ASMT: variants seen among roughly 807,000 people sequenced by gnomAD.
ASMT encodes acetylserotonin N-methyltransferase.
In ASMT, 53 loss-of-function variants were observed where a neutral mutation model predicts 41.3. That is an observed-to-expected ratio of 1.28 (90% confidence interval 1.03 to 1.61). The LOEUF is 1.61. ASMT is among the 40% of genes most tolerant of loss of function. ASMT has a pLI of 0.00. For missense variants in ASMT, 531 were observed against 441.3 expected, an observed-to-expected ratio of 1.20 and a Z score of -1.82; for synonymous variants, 231 against 184.8, an observed-to-expected ratio of 1.25 and a Z score of -2.03.
chrX:1,616,057 C>T (rs1418304906), intron 1 of ASMT, among the ~76,000 whole-genome samples: 3 of 151,708 alleles, frequency 2.0e-5, no homozygotes, highest in Non-Finnish European at 4.4e-5. Context: ...GAGCTGGAGT[C>T]TCACTCTGTA....
intron 3 of ASMT, among the ~76,000 whole-genome samples, chrX:1,625,841 C>A (rs1934524487): frequency 6.6e-6 from 1 of 150,882 alleles, no homozygotes; most frequent in Non-Finnish European, 1.5e-5. Context: ...GTAGTCCCAG[C>A]TACTCGGAGA....
chrX:1,631,124 C>T (rs1360633281), intron 5 of ASMT, among the ~76,000 whole-genome samples: 3 of 151,488 alleles, frequency 2.0e-5, no homozygotes, highest in African/African-American at 7.3e-5. Context: ...CCGTGTTAGC[C>T]AGGATGGTCT....
At chrX:1,619,172 G>A (rs1347308685) in intron 1 of ASMT, among the ~76,000 whole-genome samples, 1 of 152,058 alleles carries the variant, frequency 6.6e-6, no homozygotes, top group East Asian at 1.9e-4. Flanking sequence ...GAGGCGGGCG[G>A]ATCACAAGGT....
intron 6 of ASMT, among the ~76,000 whole-genome samples, 154 bp downstream of exon 6, chrX:1,632,941 C>A (rs1351935654): frequency 4.6e-5 from 7 of 152,078 alleles, no homozygotes; most frequent in Non-Finnish European, 1.0e-4. Flanking sequence ...AGCAAACCAC[C>A]ATGGCACATG....
chrX:1,634,552 C>T (rs1308940702), intron 7 of ASMT, among the ~76,000 whole-genome samples: 3 of 152,100 alleles, frequency 2.0e-5, no homozygotes, highest in African/African-American at 7.2e-5. Context: ...ACAAAGATAC[C>T]CTTGTGAGGT....
chrX:1,630,192 G>A (rs1333974063), intron 5 of ASMT, among the ~76,000 whole-genome samples: 1 of 151,924 alleles, frequency 6.6e-6, no homozygotes, highest in Non-Finnish European at 1.5e-5. Flanking sequence ...GCAGTGCAGT[G>A]GCATGATCTC....
intron 5 of ASMT, among the ~76,000 whole-genome samples, chrX:1,631,058 C>T (rs1173101137): frequency 7.4e-5 from 11 of 147,720 alleles, no homozygotes; most frequent in Non-Finnish European, 1.6e-4. Flanking sequence ...CTACAGGCGC[C>T]CGCCACCACG....
At position 1,629,828 on chromosome X, in the gene ASMT, G is replaced by A. The variant is rs192710293; in HGVS notation, c.451G>A (p.Gly151Ser). The A allele has an allele frequency of 2.8e-4, 455 of 1,613,864 alleles. 1 individual carries two copies. The East Asian group carries it at 3.7e-3, about 13-fold the overall frequency. Residue 151 changes from glycine (G) to serine (S), a missense_variant, in exon 5 of 9, where the codon GGC becomes AGC. Transcript: ENST00000381241. ...CGTGGTTTTGCATGCCAGGTCCGAGGGCGAGCGGCTACAGTTCATGCAAGC... is the reference window on the plus strand; with the variant it reads ...CGTGGTTTTGCATGCCAGGTCCGAGAGCGAGCGGCTACAGTTCATGCAAGC... The part of the protein sequence containing the change: ...ELFTAIYRSE[G>S]ERLQFMQALQ...
intron 1 of ASMT, among the ~76,000 whole-genome samples, chrX:1,616,751 C>T (rs1419213033): frequency 1.3e-5 from 2 of 150,090 alleles, no homozygotes; most frequent in Non-Finnish European, 3.0e-5. Context: ...CTCTGTCGCC[C>T]AGGCTGGAGT....
chrX:1,633,094 G>A, intron 6 of ASMT, 56 bp from the exon 7 acceptor site: 1 of 1,610,100 alleles, frequency 6.2e-7, no homozygotes, highest in Non-Finnish European at 8.5e-7. Flanking sequence ...TGTGGAGGGT[G>A]AGCGATGTCT....
intron 5 of ASMT, among the ~76,000 whole-genome samples, chrX:1,631,953 G>T (rs1603461594): frequency 6.6e-6 from 1 of 152,106 alleles, no homozygotes; most frequent in South Asian, 2.1e-4. Context: ...GGAGGCTGAG[G>T]CAGGAGAATC....
At chrX:1,626,750 A>G (rs1400134602) in intron 3 of ASMT, among the ~76,000 whole-genome samples, 1 of 152,206 alleles carries the variant, frequency 6.6e-6, no homozygotes, top group Non-Finnish European at 1.5e-5. Flanking sequence ...ACAGCTGGCC[A>G]GGCGCGGTGG....
chrX:1,616,770 A>G (rs186467692), intron 1 of ASMT, among the ~76,000 whole-genome samples: 10,611 of 150,786 alleles, frequency 0.07, 668 homozygotes, highest in South Asian at 0.095. Flanking sequence ...GTGCAATGGC[A>G]CGATCTCGGC....
chrX:1,629,956 A>G lies in ASMT; in HGVS notation c.562+17A>G, dbSNP rs371600412. The G allele has an allele frequency of 1.3e-6, 2 of 1,586,116 alleles. No individual in the cohort carries two copies. The highest frequency in any genetic ancestry group is 2.7e-5 in the African/African-American group (2 of 74,350). On this transcript the variant is annotated intron_variant, in intron 5 of 8. Coordinates refer to ENST00000381241, the MANE Select transcript of ASMT (RefSeq NM_001171038.2). ...ACCTTGGTGGTAAGTACCCCTCACCACTAATACCTCGGAGGTGTGGCTTCT... is the reference window on the plus strand; with the variant it reads ...ACCTTGGTGGTAAGTACCCCTCACCGCTAATACCTCGGAGGTGTGGCTTCT...
intron 8 of ASMT, among the ~76,000 whole-genome samples, chrX:1,641,335 A>C (rs28409477): frequency 4.8e-5 from 4 of 83,798 alleles, no homozygotes; most frequent in African/African-American, 1.8e-4. Context: ...ATGATCCATT[A>C]GGATGTGGAC....
chrX:1,636,098 G>A, intron 7 of ASMT: 1 of 358,320 alleles, frequency 2.8e-6, no homozygotes, highest in Non-Finnish European at 5.4e-6. Context: ...TGGGACCACA[G>A]GCACCCGCCA....
intron 2 of ASMT, among the ~76,000 whole-genome samples, chrX:1,623,734 C>T (rs1407962052): frequency 5.3e-5 from 8 of 152,016 alleles, no homozygotes; most frequent in African/African-American, 1.7e-4. Flanking sequence ...GCCTGGGCCA[C>T]GTATTTTTAA....
intron 7 of ASMT, among the ~76,000 whole-genome samples, chrX:1,633,860 G>A (rs1309660184): frequency 1.3e-5 from 2 of 152,040 alleles, no homozygotes; most frequent in African/African-American, 2.4e-5. Flanking sequence ...GGATGGTCTC[G>A]ATCTCCTGAC....
chrX:1,632,005 C>T (rs1317805099), intron 5 of ASMT, among the ~76,000 whole-genome samples: 27 of 152,062 alleles, frequency 1.8e-4, no homozygotes, highest in South Asian at 4.2e-4. Flanking sequence ...GCTGAGATCG[C>T]GCCACTGCAC....
Sources: gnomAD v4.1 joint callset for allele counts (sites outside exome capture counted in the v4.1 genomes callset) on GRCh38, gnomAD v4.1.1 for gene constraint, MANE v1.5 for transcripts, NCBI Gene and HGNC (gene_info 2026-07-23, HGNC 2026-07-21) for gene names.